The following BMERB1 variants were observed in gnomAD, a reference collection of about 807,000 sequenced individuals.
The protein encoded by BMERB1 is bMERB domain-containing protein 1.
BMERB1 carries 12 observed loss-of-function variants against 23.6 expected under a neutral mutation model. The ratio of observed to expected loss-of-function variants is 0.51; its 90% CI spans 0.33 to 0.82. The LOEUF (loss-of-function observed/expected upper bound fraction) is 0.82, where lower values mean the gene tolerates loss of function less well. Among genes scored for constraint, BMERB1 ranks in the 40% least tolerant of loss-of-function variants. The pLI is 0.03. For synonymous variants in BMERB1, 122 were observed against 96.6 expected (o/e 1.26, Z -1.54); for missense variants, 247 against 255.4 (o/e 0.97, Z 0.22).
At position 15,515,398 on chromosome 16, in the gene BMERB1, T is replaced by A; in HGVS notation, c.200T>A (p.Leu67Ter). 6.2e-7 allele frequency: 1 copy of A among 1,614,042 alleles called. No individual in the cohort carries two copies. Among genetic ancestry groups the A allele is most frequent in the Non-Finnish European group, 8.5e-7 (1 of 1,180,004 alleles). Residue 67 changes from leucine to a stop codon, truncating the protein, a stop_gained, in exon 2 of 6, where the codon TTG becomes TAG. Transcript: ENST00000300006. LOFTEE classifies it high-confidence loss of function. ...MAKIQRLREV[L>*]VRRESELRFM... ...AAAATTCAGCGTCTCCGGGAAGTCT[T>A]GGTCCGCCGGGAGTCTGAGCTCAGG...
chr16:15,476,735 A>T (rs1237256873), intron 1 of BMERB1, among the ~76,000 whole-genome samples: 1 of 152,108 alleles, frequency 6.6e-6, no homozygotes, highest in Non-Finnish European at 1.5e-5. Flanking sequence ...GAGACGGGAG[A>T]CCCATCACCA....
intron 2 of BMERB1, among the ~76,000 whole-genome samples, chr16:15,538,015 A>T (rs1321484296): frequency 1.3e-5 from 2 of 152,184 alleles, no homozygotes. Context: ...AGTTTGACCC[A>T]AGACGAAAAC....
chr16:15,456,634 T>C lies in BMERB1; in HGVS notation c.106+21875T>C, dbSNP rs540689771. 2.5e-3 allele frequency among the ~76,000 whole-genome samples: 378 copies of C among 151,924 alleles called. 4 individuals carry two copies. The highest frequency in any genetic ancestry group is 7.9e-3 in the South Asian group (38 of 4,800). On this transcript the variant is annotated intron_variant, in intron 1 of 5. Coordinates refer to ENST00000300006, the MANE Select transcript of BMERB1 (RefSeq NM_033201.3). Reference sequence around the variant, plus strand: ...AAGACACTGCATCAGCCAAAAAAAGTATCTTGTGTTTAATTTGGCCTATGT... The same window carrying C: ...AAGACACTGCATCAGCCAAAAAAAGCATCTTGTGTTTAATTTGGCCTATGT...
intron 1 of BMERB1, among the ~76,000 whole-genome samples, chr16:15,493,371 T>C (rs1452464652): frequency 6.6e-6 from 1 of 152,184 alleles, no homozygotes; most frequent in Non-Finnish European, 1.5e-5. Context: ...GGACTGAATG[T>C]CATGCACTGT....
chr16:15,435,176 G>A (rs1354046618), intron 1 of BMERB1, among the ~76,000 whole-genome samples: 2 of 152,238 alleles, frequency 1.3e-5, no homozygotes, highest in African/African-American at 4.8e-5. Flanking sequence ...AGAGGGGGGA[G>A]TGTCTGCTGG....
intron 1 of BMERB1, among the ~76,000 whole-genome samples, chr16:15,498,684 GAAAGAAAGAA>G (rs1299837823): frequency 6.6e-6 from 1 of 151,740 alleles, no homozygotes; most frequent in Non-Finnish European, 1.5e-5. Flanking sequence ...AAGAAAGGAG[GAAAGAAAGAA>G]AAAGGAAGGA....
At chr16:15,489,094 T>G (rs886722816) in intron 1 of BMERB1, among the ~76,000 whole-genome samples, 4 of 152,130 alleles carry the variant, frequency 2.6e-5, no homozygotes, top group Non-Finnish European at 4.4e-5. Context: ...TGACTACTTC[T>G]GGTGTGTATC....
intron 1 of BMERB1, among the ~76,000 whole-genome samples, chr16:15,444,123 G>GTTTTTTTTTTTTTTTTTTTTTGTTTTTTT (rs2050966981): frequency 2.8e-5 from 1 of 35,610 alleles, no homozygotes. Flanking sequence ...CACCAGCTTT[G>GTTTTTTTTTTTTTTTTTTTTTGTTTTTTT]TTTTTTTTTT....
chr16:15,522,745 T>G (rs2051868660), intron 2 of BMERB1, among the ~76,000 whole-genome samples: 1 of 152,094 alleles, frequency 6.6e-6, no homozygotes, highest in African/African-American at 2.4e-5. Context: ...GCTTCTTCAG[T>G]GCCCCGCTGC....
At chr16:15,518,313 C>T (rs1242038801) in intron 2 of BMERB1, among the ~76,000 whole-genome samples, 10 of 152,134 alleles carry the variant, frequency 6.6e-5, no homozygotes, top group South Asian at 2.1e-4. Flanking sequence ...GTGACATTTT[C>T]CAGGGGAGGG....
At chr16:15,480,181 C>T (rs1021867448) in intron 1 of BMERB1, among the ~76,000 whole-genome samples, 4 of 151,078 alleles carry the variant, frequency 2.6e-5, no homozygotes, top group Non-Finnish European at 4.4e-5. Context: ...GACACGATCT[C>T]GGCTCACTGC....
At position 15,462,902 on chromosome 16, in the gene BMERB1, G is replaced by A. The variant is rs2051147913; in HGVS notation, c.106+28143G>A. On this transcript the variant is annotated intron_variant, in intron 1 of 5. Coordinates refer to ENST00000300006, the MANE Select transcript of BMERB1 (RefSeq NM_033201.3). ...CCCTCTGTTGTCAAGGAAGTCCAAC[G>A]CCACCAGCACTAGATCCTTCAACAA... 2.6e-5 allele frequency among the ~76,000 whole-genome samples: 4 copies of A among 152,032 alleles called. 1 individual carries two copies. In the South Asian group the frequency reaches 8.3e-4, roughly 31 times the overall value.
chr16:15,480,674 C>A (rs953838157), intron 1 of BMERB1, among the ~76,000 whole-genome samples: 1 of 130,934 alleles, frequency 7.6e-6, no homozygotes, highest in African/African-American at 2.9e-5. Context: ...AGTGCAGTGG[C>A]ACGATCTCGG....
At chr16:15,579,668 T>C (rs941505383) in intron 3 of BMERB1, among the ~76,000 whole-genome samples, 3 of 152,128 alleles carry the variant, frequency 2.0e-5, no homozygotes, top group Non-Finnish European at 4.4e-5. Flanking sequence ...TCTCTTTTTT[T>C]TATTTTTTCT....
chr16:15,541,607 T>C (rs1310884797), intron 2 of BMERB1, among the ~76,000 whole-genome samples: 166 of 145,992 alleles, frequency 1.1e-3, no homozygotes, highest in African/African-American at 4.0e-3. Context: ...TAATTTTTTT[T>C]TTTTTTTTTT....
chr16:15,499,269 G>T (rs547518707), intron 1 of BMERB1, among the ~76,000 whole-genome samples: 3 of 152,048 alleles, frequency 2.0e-5, no homozygotes, highest in Admixed American at 2.0e-4. Context: ...GAAGTGGCAG[G>T]CACCTGTAAT....
chr16:15,496,251 A>T (rs543799585), intron 1 of BMERB1, among the ~76,000 whole-genome samples: 1 of 152,254 alleles, frequency 6.6e-6, no homozygotes, highest in South Asian at 2.1e-4. Context: ...GATGATTATG[A>T]TAGTGATAGT....
chr16:15,574,698 C>T (rs926674982), intron 3 of BMERB1, among the ~76,000 whole-genome samples: 1 of 152,066 alleles, frequency 6.6e-6, no homozygotes, highest in Admixed American at 6.6e-5. Flanking sequence ...GGGCTGCATA[C>T]GTTGAAGCTG....
In BMERB1 at chr16:15,586,748, A is replaced by G; in HGVS notation, c.534A>G (p.Pro178=). 1 of 1,612,052 alleles carries G rather than the reference A, an allele frequency of 6.2e-7. No homozygotes were observed. Among genetic ancestry groups the G allele is most frequent in the Non-Finnish European group, 8.5e-7 (1 of 1,179,418 alleles). ...SSRAEKKAEP[P]PSKPTVAKTG... is the part of the protein sequence containing the mutation. ...GGGCAGAGAAGAAAGCAGAGCCCCC[A>G]CCTAGCAAGCCCACGGTGGCCAAGA... Residue 178 remains proline, a synonymous_variant, in exon 6 of 6, where the codon CCA becomes CCG. Transcript: ENST00000300006.
Sources: allele counts gnomAD v4.1 joint callset (sites outside exome capture counted in the v4.1 genomes callset), GRCh38; gene constraint gnomAD v4.1.1; transcripts MANE v1.5; gene names NCBI Gene and HGNC (gene_info 2026-07-23, HGNC 2026-07-21).